SLC25A48: variants seen among roughly 807,000 people sequenced by gnomAD.
SLC25A48 encodes the protein solute carrier family 25 member 48, also known as CTC-321K16.1.
Under a neutral mutation model 32.2 loss-of-function variants are expected in SLC25A48, and 29 were observed. The observed-to-expected ratio is 0.90, with a 90% CI of 0.67 to 1.23. SLC25A48 has a LOEUF of 1.23. Among genes scored for constraint, SLC25A48 ranks in the 50% most tolerant of loss-of-function variants. The pLI is 0.00. For missense variants in SLC25A48, 399 were observed against 422.7 expected (o/e 0.94, Z 0.49); for synonymous variants, 164 against 172.3 (o/e 0.95, Z 0.38).
At chr5:135,611,717 G>A (rs11738713) in intron 1 of SLC25A48, among the ~76,000 whole-genome samples, 16,662 of 151,690 alleles carry the variant, frequency 0.11, 1,063 homozygotes, top group African/African-American at 0.18. Flanking sequence ...GTCTCAAAAA[G>A]ACACAAACAA....
chr5:135,602,151 C>T (rs1488018242), intron 1 of SLC25A48, among the ~76,000 whole-genome samples: 1 of 152,234 alleles, frequency 6.6e-6, no homozygotes, highest in African/African-American at 2.4e-5. Context: ...TGGTGAGAAT[C>T]AGCTCTGATG....
chr5:135,788,346 G>A (rs1247797076), intron 3 of SLC25A48, among the ~76,000 whole-genome samples: 2 of 142,732 alleles, frequency 1.4e-5, no homozygotes, highest in East Asian at 4.7e-4. Flanking sequence ...CTCCCCATGG[G>A]TTGGGGGGTG....
At chr5:135,768,508 G>A (rs78650139) in intron 3 of SLC25A48, among the ~76,000 whole-genome samples, 2,353 of 151,380 alleles carry the variant, frequency 0.016, 45 homozygotes, top group African/African-American at 0.044. Context: ...CATAATGTCT[G>A]GGGGAGGGGA....
intron 1 of SLC25A48, among the ~76,000 whole-genome samples, chr5:135,591,205 C>A (rs938168127): frequency 6.6e-6 from 1 of 152,246 alleles, no homozygotes; most frequent in African/African-American, 2.4e-5. Context: ...CACACAATGA[C>A]CCTGCAGATA....
intron 1 of SLC25A48, among the ~76,000 whole-genome samples, chr5:135,581,575 G>T (rs1751235789): frequency 6.6e-6 from 1 of 152,116 alleles, no homozygotes; most frequent in African/African-American, 2.4e-5. Flanking sequence ...TGATTAACTG[G>T]GATCTAACAA....
intron 3 of SLC25A48, among the ~76,000 whole-genome samples, chr5:135,809,467 C>A (rs1427440569): frequency 6.6e-6 from 1 of 152,140 alleles, no homozygotes; most frequent in Non-Finnish European, 1.5e-5. Context: ...TCAAGATCCT[C>A]CCTCTATTTT....
intron 3 of SLC25A48, among the ~76,000 whole-genome samples, chr5:135,637,848 T>TTTGTTG (rs576697310): frequency 1.3e-5 from 2 of 151,872 alleles, no homozygotes; most frequent in African/African-American, 2.4e-5. Context: ...TTGGGCTGTA[T>TTTGTTG]TTGTTGTTGT....
intron 6 of SLC25A48, among the ~76,000 whole-genome samples, chr5:135,879,198 G>C (rs1762261046): frequency 6.6e-6 from 1 of 152,148 alleles, no homozygotes; most frequent in Non-Finnish European, 1.5e-5. Context: ...GATGGAGGTT[G>C]AGTCCTACTC....
In SLC25A48 at chr5:135,838,973, C is replaced by T. The variant is rs180871290; in HGVS notation, c.47-3443C>T. 2.5e-4 allele frequency among the ~76,000 whole-genome samples: 38 copies of T among 152,318 alleles called. No individual in the cohort carries two copies. In the East Asian group the frequency reaches 6.8e-3, roughly 27 times the overall value. ...AGAGCTGTGAGAAGAGAGCCACCAT[C>T]CTCCAGACCACAGAATGGTAGATCC... On this transcript the variant is annotated intron_variant, in intron 1 of 7. Transcript: ENST00000681962.
chr5:135,772,475 T>G (rs1253574749), intron 3 of SLC25A48, among the ~76,000 whole-genome samples: 1 of 151,628 alleles, frequency 6.6e-6, no homozygotes, highest in Non-Finnish European at 1.5e-5. Flanking sequence ...TTGTTCATAA[T>G]ATTCACGAAG....
At chr5:135,759,829 CTTTTT>C (rs34301836) in intron 3 of SLC25A48, among the ~76,000 whole-genome samples, 8 of 119,498 alleles carry the variant, frequency 6.7e-5, no homozygotes, top group Admixed American at 1.7e-4. Flanking sequence ...TATATATCAT[CTTTTT>C]TTTTTTTTTT....
rs1172615045 is a variant in SLC25A48 at position 135,724,365 on chromosome 5, C to T, written c.-520-88158C>T. 2.6e-5 allele frequency among the ~76,000 whole-genome samples: 4 copies of T among 152,126 alleles called. No individual in the cohort carries two copies. The East Asian group carries it at 7.8e-4, about 29-fold the overall frequency. On this transcript the variant is annotated intron_variant, in intron 3 of 10. Coordinates refer to the SLC25A48 transcript ENST00000646290. ...ATGTCAGAGGCTGCCTGCCTCATCT[C>T]ATCCCATACCTCCTTGGAGCCCCCT... is the stretch of plus-strand genomic sequence containing the variant.
intron 3 of SLC25A48, among the ~76,000 whole-genome samples, chr5:135,798,777 A>G (rs913509649): frequency 6.6e-6 from 1 of 151,664 alleles, no homozygotes; most frequent in Non-Finnish European, 1.5e-5. Context: ...GAAGGTGTAC[A>G]TCCCTCACAC....
At chr5:135,773,081 A>G (rs1333723723) in intron 3 of SLC25A48, among the ~76,000 whole-genome samples, 4 of 150,572 alleles carry the variant, frequency 2.7e-5, no homozygotes, top group African/African-American at 7.3e-5. Context: ...GGAGAGGATA[A>G]TATTACTCTC....
At chr5:135,867,065 C>T (rs2126790418) in intron 4 of SLC25A48, among the ~76,000 whole-genome samples, 1 of 152,202 alleles carries the variant, frequency 6.6e-6, no homozygotes, top group African/African-American at 2.4e-5. Flanking sequence ...AAGTTGGTCT[C>T]AAATGCAAAG....
chr5:135,786,405 C>A (rs750557274), intron 3 of SLC25A48, among the ~76,000 whole-genome samples: 1 of 152,084 alleles, frequency 6.6e-6, no homozygotes, highest in South Asian at 2.1e-4. Context: ...AGTGGGTCTA[C>A]GCCATGTGTG....
chr5:135,585,990 A>G (rs907893507), intron 1 of SLC25A48, among the ~76,000 whole-genome samples: 6 of 152,208 alleles, frequency 3.9e-5, no homozygotes, highest in East Asian at 3.8e-4. Context: ...AATGCTTACT[A>G]TGTCTCAAGG....
At chr5:135,781,771 A>G (rs1284809547) in intron 3 of SLC25A48, among the ~76,000 whole-genome samples, 1 of 116,362 alleles carries the variant, frequency 8.6e-6, no homozygotes, top group Non-Finnish European at 2.1e-5. Flanking sequence ...CATCCATGGG[A>G]AAGAGGATGA....
chr5:135,826,371 TGCCACATGAGAATTGAACA>T (rs1758050778), intron 4 of SLC25A48: 1 of 152,440 alleles, frequency 6.6e-6, no homozygotes, highest in Admixed American at 6.5e-5. Flanking sequence ...CTGGAAAAAC[TGCCACATGAGAATTGAACA>T]GCCACACCAA....
Sources: gnomAD v4.1 joint callset for allele counts (sites outside exome capture counted in the v4.1 genomes callset) on GRCh38, gnomAD v4.1.1 for gene constraint, MANE v1.5 for transcripts, NCBI Gene and HGNC (gene_info 2026-07-23, HGNC 2026-07-21) for gene names.